Variants in LRRC28 observed in about 807,000 individuals in gnomAD.
LRRC28 encodes leucine-rich repeat-containing protein 28.
Under a neutral mutation model 45.7 loss-of-function variants are expected in LRRC28, and 39 were observed. The ratio of observed to expected loss-of-function variants is 0.85; its 90% CI spans 0.66 to 1.12. The LOEUF is 1.12. Ranked by LOEUF, LRRC28 falls within the 50% of genes most tolerant of loss-of-function variation. The pLI, the probability that LRRC28 is intolerant of heterozygous loss-of-function variation, is 0.00. For missense variants in LRRC28, 435 were observed against 438.5 expected, an observed-to-expected ratio of 0.99 and a Z score of 0.07; for synonymous variants, 206 against 178.8, an observed-to-expected ratio of 1.15 and a Z score of -1.22.
At chr15:99,374,234 A>G (rs548504613) in intron 9 of LRRC28, among the ~76,000 whole-genome samples, 1 of 152,326 alleles carries the variant, frequency 6.6e-6, no homozygotes, top group East Asian at 1.9e-4. Flanking sequence ...TATGAACATG[A>G]TGCGTCTCTC....
chr15:99,377,163 A>G (rs553059472), intron 9 of LRRC28, among the ~76,000 whole-genome samples: 1 of 151,758 alleles, frequency 6.6e-6, no homozygotes, highest in South Asian at 2.1e-4. Flanking sequence ...TCCCACCAAC[A>G]GTGTAAAAAG....
In LRRC28 at chr15:99,280,478, G is replaced by T. The variant is rs543183634; in HGVS notation, c.209+3862G>T. On this transcript the variant is annotated intron_variant, in intron 3 of 9. Coordinates refer to ENST00000301981, the MANE Select transcript of LRRC28 (RefSeq NM_144598.5). ...TTTTTAAAATTTTTTTCTGGGATTAGAATTCTTAGTGACCATTTTTTTTGT... is the reference window on the plus strand; with the variant it reads ...TTTTTAAAATTTTTTTCTGGGATTATAATTCTTAGTGACCATTTTTTTTGT... Among the ~76,000 whole-genome samples the T allele has an allele frequency of 1.2e-4, 17 of 138,560 alleles. No individual in the cohort carries two copies. In the South Asian group the frequency reaches 4.0e-3, roughly 33 times the overall value. The allele number at this position is 138,560 out of a possible 152,430, so 90.9% of individuals were successfully genotyped here. A position where few individuals can be genotyped will look rare whatever the true frequency, so the allele number is the denominator to read the frequency against.
rs563381123 is a variant in LRRC28 at position 99,382,551 on chromosome 15, G to C, written c.1032-3479G>C. ...TTTCAAAATATTTAGGAATTTTCCAGCTATCTTTTATTGATTTCTAGTTTA... is the reference window on the plus strand; with the variant it reads ...TTTCAAAATATTTAGGAATTTTCCACCTATCTTTTATTGATTTCTAGTTTA... On this transcript the variant is annotated intron_variant, in intron 9 of 9. Transcript: ENST00000301981. 4.2e-4 allele frequency among the ~76,000 whole-genome samples: 64 copies of C among 152,270 alleles called. 2 individuals are homozygous for C. The highest frequency in any genetic ancestry group is 1.5e-3 in the African/African-American group (62 of 41,562).
chr15:99,272,187 G>C (rs1165160310), intron 2 of LRRC28, among the ~76,000 whole-genome samples: 1 of 152,168 alleles, frequency 6.6e-6, no homozygotes, highest in African/African-American at 2.4e-5. Flanking sequence ...GATGGAGCAG[G>C]TTTTGCCAAA....
intron 5 of LRRC28, among the ~76,000 whole-genome samples, chr15:99,329,517 G>T (rs920001810): frequency 6.6e-6 from 1 of 152,058 alleles, no homozygotes; most frequent in African/African-American, 2.4e-5. Context: ...TAAAAATTTC[G>T]AGAGTTCTAA....
At chr15:99,258,976 T>G (rs2081111139) in intron 2 of LRRC28, 1 of 754,422 alleles carries the variant, frequency 1.3e-6, no homozygotes. Flanking sequence ...TTCAGCAACA[T>G]AAACTGCTTA....
intron 3 of LRRC28, among the ~76,000 whole-genome samples, chr15:99,283,073 A>G (rs2081852244): frequency 6.6e-6 from 1 of 151,910 alleles, no homozygotes; most frequent in African/African-American, 2.4e-5. Flanking sequence ...TTGTAGTTTT[A>G]GTAGAGACGA....
chr15:99,339,768 T>C (rs1226963104), intron 6 of LRRC28, among the ~76,000 whole-genome samples: 1 of 150,894 alleles, frequency 6.6e-6, no homozygotes, highest in Non-Finnish European at 1.5e-5. Context: ...GCACAGGACA[T>C]TGAGATTTAC....
intron 9 of LRRC28, among the ~76,000 whole-genome samples, chr15:99,378,934 C>T (rs1021256356): frequency 6.6e-6 from 1 of 152,060 alleles, no homozygotes; most frequent in African/African-American, 2.4e-5. Flanking sequence ...CTGCTGGATT[C>T]GGTTTCCCAG....
intron 5 of LRRC28, among the ~76,000 whole-genome samples, chr15:99,289,939 C>CAAAAAAAAAGA (rs2082070071): frequency 2.0e-5 from 1 of 49,736 alleles, no homozygotes; most frequent in African/African-American, 8.0e-5. Context: ...GACTCCGTCT[C>CAAAAAAAAAGA]AAAAAAAAAA....
At chr15:99,362,172 T>A (rs1041119172) in intron 8 of LRRC28, among the ~76,000 whole-genome samples, 2 of 152,360 alleles carry the variant, frequency 1.3e-5, no homozygotes, top group Non-Finnish European at 2.9e-5. Flanking sequence ...TTTTTAAAAC[T>A]GTGAAATGTT....
intron 2 of LRRC28, among the ~76,000 whole-genome samples, chr15:99,273,412 AT>A (rs1377621870): frequency 2.6e-5 from 4 of 151,720 alleles, no homozygotes; most frequent in African/African-American, 4.8e-5. Context: ...AATTTTTTGT[AT>A]TTTTTAGTAG....
chr15:99,368,444 T>G (rs543510931), intron 9 of LRRC28, among the ~76,000 whole-genome samples: 1 of 152,332 alleles, frequency 6.6e-6, no homozygotes, highest in African/African-American at 2.4e-5. Flanking sequence ...GGCTTAAGAA[T>G]AATCCTCTTT....
rs1481550142 is a variant in LRRC28, at chr15:99,388,426, T to TA, written c.*2327dup. The TA allele has an allele frequency of 1.3e-5, 2 of 152,246 alleles. No individual in the cohort carries two copies. Among genetic ancestry groups the TA allele is most frequent in the Admixed American group, 6.5e-5 (1 of 15,282 alleles). The allele number at this position is 152,246 out of a possible 1,614,324, so 9.4% of individuals were successfully genotyped here. ...CTACCTATTATGAACTACGGTGTGT[T>TA]AAACAACAGCAGTGGGCTGGGCAGA... On this transcript the variant is annotated 3_prime_UTR_variant, in exon 10 of 10. Transcript: ENST00000301981.
intron 2 of LRRC28, chr15:99,259,890 A>C (rs2081145146): frequency 1.3e-6 from 1 of 745,482 alleles, no homozygotes; most frequent in African/African-American, 1.7e-5. Flanking sequence ...AAGGTGGAAG[A>C]ACCCGACGAA....
chr15:99,290,181 C>T (rs980723191), intron 5 of LRRC28, among the ~76,000 whole-genome samples: 8 of 151,302 alleles, frequency 5.3e-5, no homozygotes, highest in African/African-American at 1.7e-4. Context: ...ACTGCTTGAA[C>T]CTGGGAGGCG....
intron 9 of LRRC28, among the ~76,000 whole-genome samples, chr15:99,381,816 G>A (rs140706481): frequency 0.016 from 2,485 of 152,296 alleles, 31 homozygotes; most frequent in Middle Eastern, 0.027. Context: ...TGTTTGCCTG[G>A]GTATCAGCAG....
chr15:99,267,342 A>G lies in LRRC28; in HGVS notation c.169-9234A>G, dbSNP rs145291407. On this transcript the variant is annotated intron_variant, in intron 2 of 9. Coordinates refer to ENST00000301981, the MANE Select transcript of LRRC28 (RefSeq NM_144598.5). ...AGAACACCCTGAGGGGAAAAACAGT[A>G]AGTTAAGGAGATGGCCTAAAAGAGC... is the stretch of plus-strand genomic sequence containing the variant. Among the ~76,000 whole-genome samples the G allele has an allele frequency of 3.6e-3, 548 of 152,308 alleles. 1 individual carries two copies. Among genetic ancestry groups the G allele is most frequent in the Admixed American group, 6.5e-3 (99 of 15,302 alleles).
intron 5 of LRRC28, chr15:99,297,234 A>G (rs1025012417): frequency 4.6e-5 from 7 of 151,422 alleles, no homozygotes; most frequent in Non-Finnish European, 8.8e-5. Flanking sequence ...TATTCAGAAC[A>G]TGTTCTTTCA....
Sources: allele counts gnomAD v4.1 joint callset (sites outside exome capture counted in the v4.1 genomes callset), GRCh38; gene constraint gnomAD v4.1.1; transcripts MANE v1.5; gene names NCBI Gene and HGNC (gene_info 2026-07-23, HGNC 2026-07-21).